Variants in PRELID2 observed in about 807,000 individuals in gnomAD.
PRELID2 encodes the protein PRELI domain-containing protein 2.
PRELID2 carries 25 observed loss-of-function variants against 28.4 expected under a neutral mutation model. That is an observed-to-expected ratio of 0.88 (90% confidence interval 0.64 to 1.23). The LOEUF is 1.23. Among genes scored for constraint, PRELID2 ranks in the 50% most tolerant of loss-of-function variants. The pLI is 0.00. For synonymous variants in PRELID2, 76 were observed against 71.6 expected (o/e 1.06, Z -0.31); for missense variants, 201 against 214.4 (o/e 0.94, Z 0.39).
chr5:145,287,989 G>A, the PRELID2 span, among the ~76,000 whole-genome samples: 22 of 152,214 alleles, frequency 1.4e-4, no homozygotes, highest in African/African-American at 5.3e-4. Context: ...AATTAGACTG[G>A]GGTCATAGGT....
At chr5:145,229,709 G>A in the PRELID2 span, 2 of 757,332 alleles carry the variant, frequency 2.6e-6, no homozygotes, top group Non-Finnish European at 4.8e-6. Flanking sequence ...TAGACATCAA[G>A]GTCTTCACCA....
intron 4 of PRELID2, among the ~76,000 whole-genome samples, chr5:145,799,751 T>C (rs1753003786): frequency 6.6e-6 from 1 of 152,158 alleles, no homozygotes; most frequent in African/African-American, 2.4e-5. Flanking sequence ...AGATTGCAAA[T>C]GGCCTCAGGC....
the PRELID2 span, among the ~76,000 whole-genome samples, chr5:145,448,807 G>A: frequency 6.6e-6 from 1 of 152,116 alleles, no homozygotes; most frequent in Admixed American, 6.6e-5. Context: ...GATAAAGTGT[G>A]TCAAGGGTCA....
intron 1 of PRELID2, among the ~76,000 whole-genome samples, chr5:145,552,952 T>C (rs1298801110): frequency 6.6e-6 from 1 of 152,186 alleles, no homozygotes; most frequent in Non-Finnish European, 1.5e-5. Context: ...TTAGAAGAAA[T>C]GTTTGGATTA....
intron 1 of PRELID2, among the ~76,000 whole-genome samples, chr5:145,483,439 G>T (rs1752185021): frequency 1.3e-5 from 2 of 152,204 alleles, no homozygotes; most frequent in Admixed American, 6.5e-5. Flanking sequence ...ATCACAGACA[G>T]ACACATGAGC....
In PRELID2 at chr5:145,489,098, T is replaced by C. The variant is rs186068269; in HGVS notation, n.71-15783A>G. On this transcript the variant is annotated intron_variant and non_coding_transcript_variant, in intron 1 of 2. Transcript: ENST00000510259. The stretch of plus-strand genomic sequence containing the variant: ...TCAGCTACAGTACCCTATCTATGAG[T>C]GATGGCATCATTCCCCCAGACTATC... 2.1e-3 allele frequency among the ~76,000 whole-genome samples: 314 copies of C among 152,260 alleles called. 2 individuals carry two copies. The highest frequency in any genetic ancestry group is 7.2e-3 in the African/African-American group (301 of 41,556).
In PRELID2 at chr5:145,586,739, A is replaced by C. The variant is rs536224212; in HGVS notation, n.71-113424T>G. ...CAGACTCGCTAGATTTTAGAAAAGG[A>C]AAGTTTGAGATTATTAAATCCAACC... On this transcript the variant is annotated intron_variant and non_coding_transcript_variant, in intron 1 of 2. Coordinates refer to the PRELID2 transcript ENST00000510259. 2.2e-4 allele frequency among the ~76,000 whole-genome samples: 33 copies of C among 152,250 alleles called. 1 individual carries two copies. The South Asian group carries it at 6.4e-3, about 30-fold the overall frequency.
At chr5:145,445,741 AACACACACACACAC>A in the PRELID2 span, among the ~76,000 whole-genome samples, 1 of 149,118 alleles carries the variant, frequency 6.7e-6, no homozygotes, top group Non-Finnish European at 1.5e-5. Context: ...TGTCTCACAA[AACACACACACACAC>A]ACACACACAC....
chr5:145,739,770 T>C (rs1756599647), intron 1 of PRELID2, among the ~76,000 whole-genome samples: 2 of 151,960 alleles, frequency 1.3e-5, no homozygotes, highest in South Asian at 4.1e-4. Context: ...ACCATATCCA[T>C]AGGCTGTTTA....
chr5:145,834,649 A>T (rs995435426), intron 1 of PRELID2: 4 of 152,210 alleles, frequency 2.6e-5, no homozygotes, highest in African/African-American at 4.8e-5. Context: ...AAGTTACCTC[A>T]TTTGGATCCT....
At chr5:145,361,473 T>G in the PRELID2 span, among the ~76,000 whole-genome samples, 2 of 152,182 alleles carry the variant, frequency 1.3e-5, no homozygotes, top group African/African-American at 2.4e-5. Context: ...AGGAGCCAGA[T>G]GTCAGCAATA....
intron 1 of PRELID2, among the ~76,000 whole-genome samples, chr5:145,824,463 T>TGTGTGTGTGTGTGTGTGTGTGTGTGTGA (rs373555427): frequency 1.4e-5 from 2 of 143,548 alleles, no homozygotes; most frequent in African/African-American, 2.6e-5. Flanking sequence ...TGTGTGTGTG[T>TGTGTGTGTGTGTGTGTGTGTGTGTGTGA]GATATTGATT....
chr5:145,414,113 G>A, the PRELID2 span, among the ~76,000 whole-genome samples: 1 of 152,156 alleles, frequency 6.6e-6, no homozygotes, highest in African/African-American at 2.4e-5. Context: ...TCAGGATATG[G>A]GAACTCTCTT....
chr5:145,720,695 A>G (rs538777271), intron 1 of PRELID2, among the ~76,000 whole-genome samples: 23 of 152,212 alleles, frequency 1.5e-4, no homozygotes, highest in African/African-American at 5.1e-4. Context: ...TAATACATAT[A>G]ATTTTAGATT....
the PRELID2 span, among the ~76,000 whole-genome samples, chr5:145,441,748 A>T: frequency 6.6e-6 from 1 of 152,034 alleles, no homozygotes; most frequent in Non-Finnish European, 1.5e-5. Flanking sequence ...ACCGCCACAC[A>T]TTGCCTCTGC....
the PRELID2 span, among the ~76,000 whole-genome samples, chr5:145,236,229 A>G: frequency 3.5e-4 from 54 of 152,280 alleles, no homozygotes; most frequent in Middle Eastern, 6.8e-3. Flanking sequence ...TATATCCTCA[A>G]CCACAGCTGT....
At chr5:145,499,102 G>T (rs1339087150) in intron 1 of PRELID2, among the ~76,000 whole-genome samples, 2 of 152,022 alleles carry the variant, frequency 1.3e-5, no homozygotes, top group African/African-American at 4.8e-5. Flanking sequence ...TAAAAAATTA[G>T]CCGGGTGTGG....
At chr5:145,262,996 A>G in the PRELID2 span, among the ~76,000 whole-genome samples, 4 of 152,158 alleles carry the variant, frequency 2.6e-5, no homozygotes, top group Non-Finnish European at 5.9e-5. Flanking sequence ...GGTGGAAAAC[A>G]ATATTGCATG....
the PRELID2 span, among the ~76,000 whole-genome samples, chr5:145,456,559 T>A: frequency 3.3e-5 from 5 of 152,180 alleles, no homozygotes; most frequent in Non-Finnish European, 7.3e-5. Flanking sequence ...CCCAAAATGC[T>A]TGTTTATTGT....
Sources: allele counts gnomAD v4.1 joint callset (sites outside exome capture counted in the v4.1 genomes callset), GRCh38; gene constraint gnomAD v4.1.1; transcripts MANE v1.5; gene names NCBI Gene and HGNC (gene_info 2026-07-23, HGNC 2026-07-21).